ANKFN1: variants seen among roughly 807,000 people sequenced by gnomAD.
ANKFN1 encodes the protein ankyrin repeat and fibronectin type III domain containing 1.
ANKFN1 carries 74 observed loss-of-function variants against 108.7 expected under a neutral mutation model. The observed-to-expected ratio is 0.68, with a 90% CI of 0.56 to 0.83. The LOEUF (loss-of-function observed/expected upper bound fraction) is 0.83. Ranked by LOEUF, ANKFN1 falls within the 40% of genes least tolerant of loss-of-function variation. ANKFN1 has a pLI of 0.00. For missense variants in ANKFN1, 1,505 were observed against 1,382.3 expected, an observed-to-expected ratio of 1.09 and a Z score of -1.41; for synonymous variants, 547 against 516.2, an observed-to-expected ratio of 1.06 and a Z score of -0.81.
chr17:56,456,401 C>CTT (rs397713657), intron 11 of ANKFN1, among the ~76,000 whole-genome samples: 3,799 of 115,438 alleles, frequency 0.033, 240 homozygotes, highest in African/African-American at 0.1. Context: ...CTTTTTTTCT[C>CTT]TTTTTTTTTT....
intron 4 of ANKFN1, among the ~76,000 whole-genome samples, chr17:56,115,223 TG>T (rs1755519584): frequency 6.6e-6 from 1 of 152,234 alleles, no homozygotes; most frequent in African/African-American, 2.4e-5. Context: ...CACTGTGATT[TG>T]TATTTGAGGG....
intron 3 of ANKFN1, among the ~76,000 whole-genome samples, chr17:56,259,504 A>G (rs1307905475): frequency 6.6e-6 from 1 of 152,140 alleles, no homozygotes; most frequent in Admixed American, 6.5e-5. Flanking sequence ...CTGTTTTGTC[A>G]CTTACTCTTA....
chr17:56,473,657 A>T (rs1321227835), intron 15 of ANKFN1: 1 of 151,746 alleles, frequency 6.6e-6, no homozygotes, highest in African/African-American at 2.4e-5. Context: ...CAAAAAAAAA[A>T]AAAAAAAAAA....
chr17:56,372,949 G>T, intron 7 of ANKFN1, 109 bp downstream of exon 7: 1 of 1,095,380 alleles, frequency 9.1e-7, no homozygotes, highest in Non-Finnish European at 1.3e-6. Context: ...GTCATGGATG[G>T]CCGTTGTCAG....
chr17:56,325,493 T>C (rs1288797695), intron 3 of ANKFN1, among the ~76,000 whole-genome samples: 1 of 152,224 alleles, frequency 6.6e-6, no homozygotes, highest in Non-Finnish European at 1.5e-5. Flanking sequence ...GGTATACCCA[T>C]ATGTGTCTGG....
chr17:56,229,159 G>A (rs1383692472), intron 3 of ANKFN1, among the ~76,000 whole-genome samples: 1 of 152,020 alleles, frequency 6.6e-6, no homozygotes, highest in Non-Finnish European at 1.5e-5. Context: ...TAATGTCAAC[G>A]TATTACGCAT....
intron 4 of ANKFN1, among the ~76,000 whole-genome samples, chr17:56,349,838 C>T (rs948511467): frequency 2.6e-5 from 4 of 152,104 alleles, no homozygotes; most frequent in Non-Finnish European, 4.4e-5. Context: ...CTCCAGAGAA[C>T]GCTGGGCCCA....
chr17:56,239,160 A>T (rs1456044979), intron 3 of ANKFN1, among the ~76,000 whole-genome samples: 1 of 152,172 alleles, frequency 6.6e-6, no homozygotes, highest in Non-Finnish European at 1.5e-5. Flanking sequence ...GGAGGAGAGG[A>T]TTGTAAGATA....
chr17:56,189,170 C>CATTTTTT (rs1555607722), intron 1 of ANKFN1, among the ~76,000 whole-genome samples: 17 of 85,290 alleles, frequency 2.0e-4, no homozygotes, highest in Non-Finnish European at 2.5e-4. Context: ...GTTGCCCTGA[C>CATTTTTT]TTTTTTTTTT....
intron 4 of ANKFN1, among the ~76,000 whole-genome samples, chr17:56,335,205 C>A (rs1415155921): frequency 6.6e-6 from 1 of 152,094 alleles, no homozygotes; most frequent in Admixed American, 6.6e-5. Flanking sequence ...AATGCGGGCT[C>A]TTTTTTGGTT....
At chr17:56,430,731 C>G (rs1325760582) in intron 8 of ANKFN1, among the ~76,000 whole-genome samples, 1 of 152,176 alleles carries the variant, frequency 6.6e-6, no homozygotes, top group Non-Finnish European at 1.5e-5. Flanking sequence ...ATGGCATATG[C>G]TAGCTGCTGA....
upstream of ANKFN1, among the ~76,000 whole-genome samples, chr17:56,152,260 A>ATGTGTGTGTG (rs747513318): frequency 0.044 from 5,578 of 128,056 alleles, 120 homozygotes; most frequent in Non-Finnish European, 0.056. Flanking sequence ...ATATATATAT[A>ATGTGTGTGTG]TATGTGTGTG....
intron 1 of ANKFN1, among the ~76,000 whole-genome samples, chr17:56,194,083 A>ACCTATTT (rs1273865853): frequency 6.6e-6 from 1 of 152,188 alleles, no homozygotes; most frequent in Non-Finnish European, 1.5e-5. Flanking sequence ...ACCACTGTAC[A>ACCTATTT]CCTATTTAGA....
chr17:56,130,003 A>T (rs1468164263), intron 4 of ANKFN1, among the ~76,000 whole-genome samples: 1 of 152,258 alleles, frequency 6.6e-6, no homozygotes, highest in Admixed American at 6.5e-5. Context: ...ACATACTAGC[A>T]GTTTATGAAC....
intron 1 of ANKFN1, chr17:56,174,132 T>C (rs1196081000): frequency 1.0e-6 from 1 of 965,330 alleles, no homozygotes; most frequent in Non-Finnish European, 1.2e-6. Context: ...GGTGGTGCAG[T>C]TGGGAGGGGA....
intron 4 of ANKFN1, among the ~76,000 whole-genome samples, chr17:56,097,709 T>A (rs1223093572): frequency 6.6e-6 from 1 of 152,194 alleles, no homozygotes; most frequent in African/African-American, 2.4e-5. Flanking sequence ...CTACATGATC[T>A]TCACAGCTAC....
At chr17:56,255,677 T>C (rs2043340859) in intron 3 of ANKFN1, among the ~76,000 whole-genome samples, 2 of 152,200 alleles carry the variant, frequency 1.3e-5, no homozygotes, top group South Asian at 4.1e-4. Flanking sequence ...TCATGCTTTG[T>C]AAATGAGTCA....
At chr17:56,066,800 G>T (rs531603227) in intron 4 of ANKFN1, among the ~76,000 whole-genome samples, 1 of 152,138 alleles carries the variant, frequency 6.6e-6, no homozygotes, top group South Asian at 2.1e-4. Flanking sequence ...TACTCTACAT[G>T]CCTCATATGA....
chr17:56,291,540 T>C (rs796146955), intron 3 of ANKFN1, among the ~76,000 whole-genome samples: 16 of 152,310 alleles, frequency 1.1e-4, no homozygotes, highest in African/African-American at 3.8e-4. Context: ...ATGATTATGA[T>C]TCATCCCAGC....
Sources: gnomAD v4.1 joint callset for allele counts (sites outside exome capture counted in the v4.1 genomes callset) on GRCh38, gnomAD v4.1.1 for gene constraint, MANE v1.5 for transcripts, NCBI Gene and HGNC (gene_info 2026-07-23, HGNC 2026-07-21) for gene names.